Variants in SSBP2 observed in about 807,000 individuals in gnomAD.
SSBP2 encodes single stranded DNA binding protein 2.
A neutral mutation model predicts 61.8 loss-of-function variants in SSBP2; 17 were observed. That is an observed-to-expected ratio of 0.28 (90% CI 0.19 to 0.41). SSBP2 has a LOEUF of 0.41. Among genes scored for constraint, SSBP2 ranks in the 10% least tolerant of loss-of-function variants. SSBP2 has a pLI of 1.00. For synonymous variants in SSBP2, 139 were observed against 141.3 expected, an observed-to-expected ratio of 0.98 and a Z score of 0.12; for missense variants, 310 against 458.7, an observed-to-expected ratio of 0.68 and a Z score of 2.96.
intron 4 of SSBP2, among the ~76,000 whole-genome samples, chr5:81,568,371 A>G (rs1380444645): frequency 6.6e-6 from 1 of 152,130 alleles, no homozygotes; most frequent in Non-Finnish European, 1.5e-5. Flanking sequence ...GCTGCCATCC[A>G]TGTAAGATGA....
At chr5:81,523,387 C>T (rs376112330) in intron 4 of SSBP2, among the ~76,000 whole-genome samples, 1 of 151,828 alleles carries the variant, frequency 6.6e-6, no homozygotes, top group Non-Finnish European at 1.5e-5. Context: ...AGGTAGATAA[C>T]AAGAAAGAGT....
chr5:81,734,719 G>A (rs1281951769), intron 1 of SSBP2, among the ~76,000 whole-genome samples: 1 of 151,998 alleles, frequency 6.6e-6, no homozygotes, highest in Non-Finnish European at 1.5e-5. Flanking sequence ...CGCCTGTAAT[G>A]CCATCACTTT....
At chr5:81,460,990 T>C (rs1764498846) in intron 10 of SSBP2, 65 bp downstream of exon 10, 2 of 1,030,238 alleles carry the variant, frequency 1.9e-6, no homozygotes, top group African/African-American at 1.7e-5. Flanking sequence ...AGCAAAATGT[T>C]TTTGTGATTT....
intron 5 of SSBP2, among the ~76,000 whole-genome samples, chr5:81,504,893 T>G (rs998498469): frequency 8.5e-5 from 13 of 152,210 alleles, no homozygotes; most frequent in African/African-American, 2.9e-4. Flanking sequence ...GTAAGACTTA[T>G]CTGTTAAAAA....
intron 4 of SSBP2, among the ~76,000 whole-genome samples, chr5:81,528,214 T>C (rs552178713): frequency 6.6e-6 from 1 of 152,082 alleles, no homozygotes; most frequent in Non-Finnish European, 1.5e-5. Flanking sequence ...TAATATATTA[T>C]GATGATATGT....
chr5:81,608,837 GT>G (rs1355224560), intron 4 of SSBP2, among the ~76,000 whole-genome samples: 1 of 152,068 alleles, frequency 6.6e-6, no homozygotes, highest in Non-Finnish European at 1.5e-5. Flanking sequence ...TGATGAAGAC[GT>G]TACCTAAGGC....
intron 1 of SSBP2, among the ~76,000 whole-genome samples, chr5:81,702,856 G>A (rs146467366): frequency 9.9e-5 from 15 of 152,226 alleles, no homozygotes; most frequent in East Asian, 5.8e-4. Flanking sequence ...ACACTAAGTT[G>A]CCAATCAAGC....
chr5:81,653,801 T>C (rs919612616), intron 1 of SSBP2, among the ~76,000 whole-genome samples: 1 of 152,180 alleles, frequency 6.6e-6, no homozygotes, highest in African/African-American at 2.4e-5. Flanking sequence ...TTTTTTCTTG[T>C]AAATTTATTT....
chr5:81,499,523 T>C (rs541310166), intron 5 of SSBP2, among the ~76,000 whole-genome samples: 2 of 152,342 alleles, frequency 1.3e-5, no homozygotes, highest in African/African-American at 4.8e-5. Flanking sequence ...TAATATTCTA[T>C]AACAATTTTA....
At position 81,493,332 on chromosome 5, in the gene SSBP2, T is replaced by G. The variant is rs1412513146; in HGVS notation, c.373-4023A>C. Among the ~76,000 whole-genome samples the G allele has an allele frequency of 2.0e-5, 3 of 152,022 alleles. No individual in the cohort carries two copies. In the East Asian group the frequency reaches 5.8e-4, roughly 29 times the overall value. On this transcript the variant is annotated intron_variant, in intron 5 of 16. Transcript: ENST00000320672. ...CAGGGTCTTGCTCCATTGTCCAGGC[T>G]GGAGTGCAGTGCCATGATCATGGCT...
Position 81,417,390 on chromosome 5 carries a change from C to G in SSBP2, c.*3114G>C, listed in dbSNP as rs1366500657. On this transcript the variant is annotated 3_prime_UTR_variant, in exon 17 of 17. Transcript: ENST00000320672. ...TCAGAAAGAATTTGACATGTATTTT[C>G]AAATGCAGTGAGTTAGGCAGAATGC... is the stretch of plus-strand genomic sequence containing the variant. 6.6e-6 allele frequency: 1 copy of G among 152,156 alleles called. No homozygotes were observed. Among genetic ancestry groups the G allele is most frequent in the African/African-American group, 2.4e-5 (1 of 41,430 alleles). 9.4% of individuals were successfully genotyped at this position (152,156 alleles called of 1,614,324 possible).
chr5:81,470,876 ATATGTT>A (rs1357592497), intron 8 of SSBP2, among the ~76,000 whole-genome samples: 3 of 151,998 alleles, frequency 2.0e-5, no homozygotes, highest in East Asian at 1.9e-4. Context: ...TTTATAATGT[ATATGTT>A]TATATGTTTA....
At chr5:81,613,027 T>C (rs868787704) in intron 4 of SSBP2, among the ~76,000 whole-genome samples, 2 of 152,130 alleles carry the variant, frequency 1.3e-5, no homozygotes, top group African/African-American at 2.4e-5. Context: ...AAGAAATTAA[T>C]GTATTTTTAA....
chr5:81,503,328 C>G (rs972969016), intron 5 of SSBP2, among the ~76,000 whole-genome samples: 1 of 152,104 alleles, frequency 6.6e-6, no homozygotes, highest in Non-Finnish European at 1.5e-5. Context: ...GTGGTGCATG[C>G]CTGTAATCCC....
chr5:81,751,356 C>T (rs910596294), upstream of SSBP2: 1 of 503,116 alleles, frequency 2.0e-6, no homozygotes, highest in African/African-American at 1.9e-5. Context: ...CCCCTCCCCC[C>T]TCCGAACCCG....
At chr5:81,590,213 A>T (rs1429224372) in intron 4 of SSBP2, among the ~76,000 whole-genome samples, 1 of 152,164 alleles carries the variant, frequency 6.6e-6, no homozygotes, top group Admixed American at 6.5e-5. Flanking sequence ...AAAAAATTAT[A>T]AGGAAGAAAA....
Position 81,419,636 on chromosome 5 carries a change from G to C in SSBP2, c.*868C>G, listed in dbSNP as rs575773610. On this transcript the variant is annotated 3_prime_UTR_variant, in exon 17 of 17. Transcript: ENST00000320672. The stretch of plus-strand genomic sequence containing the variant: ...ATGTTGCTAAATATATGACAACCCC[G>C]GTCACTTTATTGCTATGGTCTAAAT... 3.9e-5 allele frequency: 6 copies of C among 152,038 alleles called. No homozygotes were observed. Among genetic ancestry groups the C allele is most frequent in the Non-Finnish European group, 7.4e-5 (5 of 68,016 alleles). 9.4% of individuals were successfully genotyped at this position (152,038 alleles called of 1,614,324 possible).
chr5:81,751,464 T>G (rs766588606), upstream of SSBP2, among the ~76,000 whole-genome samples: 1 of 151,738 alleles, frequency 6.6e-6, no homozygotes, highest in African/African-American at 2.4e-5. Flanking sequence ...CGCGCTCAGC[T>G]CCTCACTGGA....
chr5:81,481,114 T>C (rs1765952591), intron 6 of SSBP2, among the ~76,000 whole-genome samples: 1 of 152,212 alleles, frequency 6.6e-6, no homozygotes, highest in African/African-American at 2.4e-5. Flanking sequence ...CACTCAGGTC[T>C]TGAACCTCTC....
Sources: allele counts gnomAD v4.1 joint callset (sites outside exome capture counted in the v4.1 genomes callset), GRCh38; gene constraint gnomAD v4.1.1; transcripts MANE v1.5; gene names NCBI Gene and HGNC (gene_info 2026-07-23, HGNC 2026-07-21).